The following ST6GAL1 variants were observed in gnomAD, a reference collection of about 807,000 sequenced individuals.
The protein encoded by ST6GAL1 is ST6 beta-galactoside alpha-2,6-sialyltransferase 1, also known as beta-galactoside alpha-2,6-sialyltransferase 1.
Under a neutral mutation model 38.0 loss-of-function variants are expected in ST6GAL1, and 20 were observed. The ratio of observed to expected loss-of-function variants is 0.53; its 90% CI spans 0.37 to 0.77. The LOEUF is 0.77. ST6GAL1 is among the 30% of genes least tolerant of loss of function. The pLI, the probability that ST6GAL1 is intolerant of heterozygous loss-of-function variation, is 0.00. For missense variants in ST6GAL1, 432 were observed against 496.4 expected, an observed-to-expected ratio of 0.87 and a Z score of 1.23; for synonymous variants, 196 against 188.2, an observed-to-expected ratio of 1.04 and a Z score of -0.34.
intron 2 of ST6GAL1, among the ~76,000 whole-genome samples, chr3:186,979,336 A>G (rs575438826): frequency 6.6e-6 from 1 of 152,230 alleles, no homozygotes; most frequent in South Asian, 2.1e-4. Context: ...CCTAGGACCT[A>G]TTGAGAGAAG....
chr3:186,985,655 G>A (rs755082605), intron 2 of ST6GAL1, among the ~76,000 whole-genome samples: 44 of 151,088 alleles, frequency 2.9e-4, no homozygotes, highest in African/African-American at 1.0e-3. Flanking sequence ...CATGCCTATA[G>A]TCCCAGCTAC....
intron 5 of ST6GAL1, among the ~76,000 whole-genome samples, chr3:187,067,481 G>A (rs907323101): frequency 1.4e-4 from 20 of 146,220 alleles, no homozygotes; most frequent in African/African-American, 4.6e-4. Context: ...CATGTGTAAA[G>A]TTCCAGGAGG....
chr3:186,984,805 ATCCTTCCTTCCTTCCTTCC>A (rs1715840465), intron 2 of ST6GAL1, among the ~76,000 whole-genome samples: 1 of 45,822 alleles, frequency 2.2e-5, no homozygotes, highest in Non-Finnish European at 4.3e-5. Flanking sequence ...CCTTCCTTCC[ATCCTTCCTTCCTTCCTTCC>A]TTCCCTCCCT....
At chr3:187,049,681 T>G (rs914876237) in intron 4 of ST6GAL1, among the ~76,000 whole-genome samples, 3 of 152,198 alleles carry the variant, frequency 2.0e-5, no homozygotes, top group African/African-American at 4.8e-5. Context: ...CTACCCCAAC[T>G]TGGTAAGTAG....
intron 2 of ST6GAL1, among the ~76,000 whole-genome samples, chr3:186,992,366 G>A (rs1004243442): frequency 6.6e-6 from 1 of 152,018 alleles, no homozygotes; most frequent in East Asian, 1.9e-4. Flanking sequence ...GTTTCCTGAG[G>A]CCTCCCAAGC....
At chr3:187,040,222 A>G (rs887574932) in intron 3 of ST6GAL1, among the ~76,000 whole-genome samples, 6 of 152,242 alleles carry the variant, frequency 3.9e-5, no homozygotes, top group African/African-American at 1.4e-4. Flanking sequence ...ACGGGAGTAT[A>G]ATAGGTCTGT....
chr3:187,058,567 T>C (rs935867798), intron 5 of ST6GAL1, among the ~76,000 whole-genome samples: 1 of 152,204 alleles, frequency 6.6e-6, no homozygotes, highest in African/African-American at 2.4e-5. Flanking sequence ...CATCTTCTAG[T>C]CACCTCTAGG....
At chr3:187,000,807 G>A (rs1716593089) in intron 2 of ST6GAL1, among the ~76,000 whole-genome samples, 1 of 152,130 alleles carries the variant, frequency 6.6e-6, no homozygotes, top group Admixed American at 6.6e-5. Context: ...ATTTTCGTAA[G>A]GTTTCACTTC....
chr3:186,947,600 T>C (rs1469995854), intron 1 of ST6GAL1, among the ~76,000 whole-genome samples: 1 of 152,168 alleles, frequency 6.6e-6, no homozygotes, highest in Admixed American at 6.5e-5. Context: ...AAATAAAACA[T>C]GGTTTAGATG....
chr3:186,955,313 G>A (rs1363058080), intron 1 of ST6GAL1, among the ~76,000 whole-genome samples: 1 of 152,126 alleles, frequency 6.6e-6, no homozygotes, highest in Non-Finnish European at 1.5e-5. Flanking sequence ...TGGCTATATG[G>A]ACTCTTTTTT....
chr3:186,990,116 C>A (rs1716107404), intron 2 of ST6GAL1, among the ~76,000 whole-genome samples: 1 of 152,258 alleles, frequency 6.6e-6, no homozygotes, highest in Admixed American at 6.5e-5. Flanking sequence ...TCACTGCAAC[C>A]TGTGCTTCCC....
intron 2 of ST6GAL1, among the ~76,000 whole-genome samples, chr3:187,029,601 A>G (rs1717668752): frequency 6.6e-6 from 1 of 152,232 alleles, no homozygotes; most frequent in Non-Finnish European, 1.5e-5. Flanking sequence ...GACAAGTAGC[A>G]TGTGATTTCT....
chr3:187,036,067 CAAAT>C (rs771942607), intron 2 of ST6GAL1, among the ~76,000 whole-genome samples: 1 of 152,044 alleles, frequency 6.6e-6, no homozygotes, highest in Non-Finnish European at 1.5e-5. Flanking sequence ...AAGCAAAAAA[CAAAT>C]AACAACATTA....
At chr3:187,074,416 C>T (rs1719491743) in intron 7 of ST6GAL1, 83 bp downstream of exon 7, 3 of 1,396,946 alleles carry the variant, frequency 2.1e-6, no homozygotes, top group Non-Finnish European at 2.8e-6. Flanking sequence ...TTCAGTCATT[C>T]GTTTGTTCAT....
chr3:186,965,642 G>C (rs779400135), intron 2 of ST6GAL1, among the ~76,000 whole-genome samples: 3 of 152,214 alleles, frequency 2.0e-5, no homozygotes, highest in Non-Finnish European at 4.4e-5. Context: ...GCGAAAGTAC[G>C]TACTCCTGGG....
chr3:187,018,131 G>C (rs572599100), intron 2 of ST6GAL1, among the ~76,000 whole-genome samples: 1 of 152,284 alleles, frequency 6.6e-6, no homozygotes, highest in African/African-American at 2.4e-5. Context: ...CTGAGATGGA[G>C]AGGCAGGCTG....
At chr3:186,969,195 G>T (rs1200713120) in intron 2 of ST6GAL1, among the ~76,000 whole-genome samples, 1 of 26,952 alleles carries the variant, frequency 3.7e-5, no homozygotes, top group African/African-American at 1.1e-4. Flanking sequence ...GGGATTACAG[G>T]CACCTGGCCA....
intron 1 of ST6GAL1, among the ~76,000 whole-genome samples, chr3:186,941,731 G>A (rs1050963116): frequency 6.6e-5 from 10 of 152,104 alleles, no homozygotes; most frequent in South Asian, 2.1e-4. Context: ...GTTGCAAGTA[G>A]GCTGGGCACG....
intron 2 of ST6GAL1, among the ~76,000 whole-genome samples, chr3:186,973,719 C>G (rs1715429308): frequency 1.3e-5 from 2 of 152,174 alleles, no homozygotes; most frequent in South Asian, 4.1e-4. Context: ...CTCTTTGCCT[C>G]TCCTCCTCTC....
Sources: allele counts gnomAD v4.1 joint callset (sites outside exome capture counted in the v4.1 genomes callset), GRCh38; gene constraint gnomAD v4.1.1; transcripts MANE v1.5; gene names NCBI Gene and HGNC (gene_info 2026-07-23, HGNC 2026-07-21).